XYLT1: variants seen among roughly 807,000 people sequenced by gnomAD.
The protein encoded by XYLT1 is beta-D-xylosyltransferase 1.
XYLT1 carries 36 observed loss-of-function variants against 91.3 expected under a neutral mutation model. That is an observed-to-expected ratio of 0.39 (90% CI 0.30 to 0.52). The LOEUF (loss-of-function observed/expected upper bound fraction) is 0.52. XYLT1 is among the 20% of genes least tolerant of loss of function. XYLT1 has a pLI of 0.68. For synonymous variants in XYLT1, 588 were observed against 532.0 expected (o/e 1.11, Z -1.45); for missense variants, 1,242 against 1,284.5 (o/e 0.97, Z 0.51).
chr16:17,270,083 G>A (rs926793888), intron 2 of XYLT1, among the ~76,000 whole-genome samples: 13 of 152,134 alleles, frequency 8.5e-5, no homozygotes, highest in African/African-American at 2.7e-4. Context: ...AAAGTGCTGG[G>A]ATTACAGGCG....
At chr16:17,265,085 G>A (rs899362243) in intron 2 of XYLT1, among the ~76,000 whole-genome samples, 2 of 152,210 alleles carry the variant, frequency 1.3e-5, no homozygotes, top group African/African-American at 4.8e-5. Context: ...CTACTCAGGA[G>A]GCTGAGGCAG....
chr16:17,223,531 C>G (rs1436747428), intron 3 of XYLT1, among the ~76,000 whole-genome samples: 1 of 152,228 alleles, frequency 6.6e-6, no homozygotes, highest in African/African-American at 2.4e-5. Context: ...CCCATGGACA[C>G]CTGTGCATGC....
chr16:17,388,050 A>G (rs2035768170), intron 1 of XYLT1, among the ~76,000 whole-genome samples: 1 of 152,214 alleles, frequency 6.6e-6, no homozygotes, highest in Admixed American at 6.5e-5. Flanking sequence ...AAATGCATTT[A>G]ACGCACCTAA....
chr16:17,366,683 G>T (rs1430558522), intron 1 of XYLT1, among the ~76,000 whole-genome samples: 1 of 152,048 alleles, frequency 6.6e-6, no homozygotes, highest in Admixed American at 6.6e-5. Context: ...TGACAGACTG[G>T]GACCGTGTCT....
chr16:17,443,434 C>T (rs186496115), intron 1 of XYLT1, among the ~76,000 whole-genome samples: 63 of 152,198 alleles, frequency 4.1e-4, no homozygotes, highest in Admixed American at 1.2e-3. Context: ...CGAGTTCTCA[C>T]GAGATCTGAT....
intron 1 of XYLT1, among the ~76,000 whole-genome samples, chr16:17,438,384 C>T (rs2036487647): frequency 6.6e-6 from 1 of 152,084 alleles, no homozygotes; most frequent in Non-Finnish European, 1.5e-5. Flanking sequence ...CCAAAAAAGC[C>T]TATTGTATGG....
intron 1 of XYLT1, among the ~76,000 whole-genome samples, chr16:17,363,706 A>C (rs952974069): frequency 7.9e-5 from 12 of 152,100 alleles, no homozygotes; most frequent in African/African-American, 2.7e-4. Context: ...CGCCCAGCTA[A>C]TTTTTTAGAA....
chr16:17,140,373 T>C (rs1344337646), intron 7 of XYLT1, among the ~76,000 whole-genome samples: 1 of 152,090 alleles, frequency 6.6e-6, no homozygotes, highest in East Asian at 1.9e-4. Context: ...CAAAAGTTGA[T>C]GTGGCGGCCG....
At chr16:17,279,089 G>A (rs112296332) in intron 2 of XYLT1, among the ~76,000 whole-genome samples, 3,282 of 152,260 alleles carry the variant, frequency 0.022, 54 homozygotes, top group Non-Finnish European at 0.03. Flanking sequence ...ACCTTTCAGC[G>A]TTGCTACTGG....
chr16:17,329,764 C>T (rs888553700), intron 2 of XYLT1, among the ~76,000 whole-genome samples: 1 of 152,180 alleles, frequency 6.6e-6, no homozygotes, highest in Non-Finnish European at 1.5e-5. Context: ...CACATGGACA[C>T]AGAAGAGGCA....
intron 1 of XYLT1, among the ~76,000 whole-genome samples, chr16:17,385,401 A>G (rs989228481): frequency 2.6e-5 from 4 of 151,526 alleles, no homozygotes; most frequent in African/African-American, 9.7e-5. Context: ...CAGCTATATT[A>G]TATGCTGTAC....
chr16:17,264,119 G>A (rs949074335), intron 2 of XYLT1, among the ~76,000 whole-genome samples: 1 of 152,114 alleles, frequency 6.6e-6, no homozygotes, highest in African/African-American at 2.4e-5. Flanking sequence ...ATTGTTGCAT[G>A]TACTACTATA....
chr16:17,459,011 T>C (rs768574575), intron 1 of XYLT1, among the ~76,000 whole-genome samples: 1 of 152,164 alleles, frequency 6.6e-6, no homozygotes, highest in Non-Finnish European at 1.5e-5. Flanking sequence ...TCAAGTTGTA[T>C]ATTTAGAGTA....
intron 2 of XYLT1, among the ~76,000 whole-genome samples, chr16:17,336,596 G>A (rs1017067266): frequency 1.3e-5 from 2 of 152,144 alleles, no homozygotes. Context: ...GTGTGAGAGA[G>A]AAAACCTCCT....
chr16:17,372,581 G>A (rs1249047018), intron 1 of XYLT1, among the ~76,000 whole-genome samples: 2 of 152,184 alleles, frequency 1.3e-5, no homozygotes, highest in African/African-American at 4.8e-5. Flanking sequence ...TCAGGACCAA[G>A]GACAGCTGGT....
At position 17,259,252 on chromosome 16, in the gene XYLT1, G is replaced by A. The variant is rs1217617705; in HGVS notation, c.649C>T (p.Leu217=). 4 of 1,613,976 alleles carry A rather than the reference G, an allele frequency of 2.5e-6. No individual in the cohort carries two copies. Among genetic ancestry groups the A allele is most frequent in the African/African-American group, 1.3e-5 (1 of 74,912 alleles). Residue 217 remains leucine (L), a synonymous_variant, in exon 3 of 12, where the codon CTG becomes TTG. Transcript: ENST00000261381. ...GCTGCGGCTCTGTCCCCGGGAGGCA[G>A]CACCTCACCGGGGCCTTTCCCAGGG... ...TFPGKGPGEV[L]PPGDRAAANS... is the part of the protein sequence containing the mutation.
intron 3 of XYLT1, among the ~76,000 whole-genome samples, chr16:17,248,276 G>C (rs921475312): frequency 1.3e-5 from 2 of 152,100 alleles, no homozygotes; most frequent in Non-Finnish European, 2.9e-5. Context: ...AGGCCTCCTC[G>C]GCCACATGGA....
At chr16:17,166,551 A>G (rs1597163820) in intron 5 of XYLT1, among the ~76,000 whole-genome samples, 1 of 150,024 alleles carries the variant, frequency 6.7e-6, no homozygotes, top group African/African-American at 2.5e-5. Flanking sequence ...TCGCTCTGTC[A>G]CCCATGCTGG....
At chr16:17,376,054 G>T (rs1041640649) in intron 1 of XYLT1, among the ~76,000 whole-genome samples, 7 of 152,244 alleles carry the variant, frequency 4.6e-5, no homozygotes, top group African/African-American at 1.2e-4. Context: ...TACAGAGAAG[G>T]AAGTGGGACT....
Sources: allele counts gnomAD v4.1 joint callset (sites outside exome capture counted in the v4.1 genomes callset), GRCh38; gene constraint gnomAD v4.1.1; transcripts MANE v1.5; gene names NCBI Gene and HGNC (gene_info 2026-07-23, HGNC 2026-07-21).